The following CCR5AS variants were observed in gnomAD, a reference collection of about 807,000 sequenced individuals.
CCR5AS encodes CCR5 antisense RNA.
At chr3:46,383,412 C>G (rs1242249615) in intron 2 of CCR5AS, among the ~76,000 whole-genome samples, 1 of 152,162 alleles carries the variant, frequency 6.6e-6, no homozygotes, top group Non-Finnish European at 1.5e-5. Flanking sequence ...CAAGGAAGAG[C>G]AAGTAGGAAT....
At chr3:46,374,054 C>A in intron 2 of CCR5AS, 1 of 882,968 alleles carries the variant, frequency 1.1e-6, no homozygotes, top group South Asian at 2.0e-5. Flanking sequence ...TGGGAGAGGT[C>A]TTTTTTAAAA....
At chr3:46,395,134 G>T (rs1287906750) in intron 1 of CCR5AS, among the ~76,000 whole-genome samples, 2 of 152,162 alleles carry the variant, frequency 1.3e-5, no homozygotes, top group African/African-American at 2.4e-5. Context: ...GGAGGACTTG[G>T]ATTATCAGGA....
chr3:46,402,510 T>C (rs1033623205), intron 1 of CCR5AS, among the ~76,000 whole-genome samples: 1 of 152,364 alleles, frequency 6.6e-6, no homozygotes, highest in East Asian at 1.9e-4. Context: ...ATGGCTATTA[T>C]GTGAGATTAT....
chr3:46,391,856 C>T (rs978245638), intron 2 of CCR5AS, among the ~76,000 whole-genome samples: 1 of 151,756 alleles, frequency 6.6e-6, no homozygotes, highest in Non-Finnish European at 1.5e-5. Context: ...TCAGATGGGT[C>T]CGTAGAAAAG....
At chr3:46,374,018 A>T in intron 2 of CCR5AS, 1 of 1,327,938 alleles carries the variant, frequency 7.5e-7, no homozygotes, top group Non-Finnish European at 1.0e-6. Flanking sequence ...CTTAGTTTTC[A>T]TACACAGCCT....
At chr3:46,367,308 A>T (rs1559565531) in intron 3 of CCR5AS, among the ~76,000 whole-genome samples, 1 of 151,834 alleles carries the variant, frequency 6.6e-6, no homozygotes, top group Non-Finnish European at 1.5e-5. Flanking sequence ...ATAAAGAACT[A>T]CACTTATAAA....
intron 2 of CCR5AS, among the ~76,000 whole-genome samples, chr3:46,389,600 G>A (rs1701893148): frequency 6.6e-6 from 1 of 152,224 alleles, no homozygotes; most frequent in Admixed American, 6.5e-5. Context: ...TATTTCAGCT[G>A]TGTGTAAGGA....
At chr3:46,386,290 C>T (rs552563810) in intron 2 of CCR5AS, among the ~76,000 whole-genome samples, 162 of 152,314 alleles carry the variant, frequency 1.1e-3, no homozygotes, top group African/African-American at 3.8e-3. Flanking sequence ...CTGACTCGTC[C>T]TTGAATTCCT....
At chr3:46,389,321 TG>T in intron 2 of CCR5AS, among the ~76,000 whole-genome samples, 1 of 152,168 alleles carries the variant, frequency 6.6e-6, no homozygotes, top group South Asian at 2.1e-4. Context: ...GTGAATCCAA[TG>T]GGGAGGGTCG....
At chr3:46,397,326 C>T (rs1238340589) in intron 1 of CCR5AS, among the ~76,000 whole-genome samples, 2 of 152,264 alleles carry the variant, frequency 1.3e-5, no homozygotes, top group African/African-American at 4.8e-5. Flanking sequence ...TCACTATTTT[C>T]TCCCCAGGGT....
At chr3:46,389,718 T>G (rs1307075428) in intron 2 of CCR5AS, among the ~76,000 whole-genome samples, 2 of 152,154 alleles carry the variant, frequency 1.3e-5, no homozygotes, top group Non-Finnish European at 2.9e-5. Context: ...ATGGGATTAG[T>G]TAAATTACCC....
At chr3:46,394,789 T>A (rs145509426) in intron 1 of CCR5AS, among the ~76,000 whole-genome samples, 2 of 152,242 alleles carry the variant, frequency 1.3e-5, no homozygotes, top group Non-Finnish European at 2.9e-5. Context: ...AAATGGTAAG[T>A]GGCATCTTGA....
chr3:46,403,673 G>A (rs1160211755), intron 1 of CCR5AS, among the ~76,000 whole-genome samples: 2 of 152,220 alleles, frequency 1.3e-5, no homozygotes, highest in East Asian at 1.9e-4. Context: ...GCAGGTTGGG[G>A]CTGCTGAGCA....
chr3:46,370,835 T>C (rs1202307357), intron 3 of CCR5AS: 1 of 152,224 alleles, frequency 6.6e-6, no homozygotes, highest in Non-Finnish European at 1.5e-5. Flanking sequence ...TGTTCTCTGA[T>C]TCTTTTCGCC....
rs533695265 is a variant in CCR5AS at position 46,370,482 on chromosome 3, T to C, written n.565+762A>G. 7.2e-5 allele frequency among the ~76,000 whole-genome samples: 11 copies of C among 152,324 alleles called. No homozygotes were observed. In the South Asian group the frequency reaches 2.3e-3, roughly 32 times the overall value. ...GTGAAGTCCAGGATCCCCCTCTACATTTAAAGTTGGTTTAAGTTGGCTTTA... is the reference window on the plus strand; with the variant it reads ...GTGAAGTCCAGGATCCCCCTCTACACTTAAAGTTGGTTTAAGTTGGCTTTA... On this transcript the variant is annotated intron_variant and non_coding_transcript_variant, in intron 3 of 3. Transcript: ENST00000451485.
At position 46,373,448 on chromosome 3, in the gene CCR5AS, T is replaced by A. The variant is rs772530777; in HGVS notation, n.392-2031A>T. 4.0e-5 allele frequency: 63 copies of A among 1,578,414 alleles called. 1 individual carries two copies. Among genetic ancestry groups the A allele is most frequent in the Non-Finnish European group, 5.5e-5 (63 of 1,147,242 alleles). ...TTCATTACACCTGCAGCTCTCATTT[T>A]CCATACAGTCAGTATCAATTCTGGA... On this transcript the variant is annotated intron_variant and non_coding_transcript_variant, in intron 2 of 3. Transcript: ENST00000451485.
intron 2 of CCR5AS, among the ~76,000 whole-genome samples, chr3:46,381,741 A>C (rs1422888944): frequency 6.6e-6 from 1 of 152,162 alleles, no homozygotes; most frequent in African/African-American, 2.4e-5. Flanking sequence ...TCAAATAAGG[A>C]CTCTGTTGAT....
In CCR5AS at chr3:46,388,033, C is replaced by G. The variant is rs140532833; in HGVS notation, n.391+4792G>C. 2.5e-3 allele frequency among the ~76,000 whole-genome samples: 375 copies of G among 152,164 alleles called. 1 individual carries two copies. The highest frequency in any genetic ancestry group is 8.8e-3 in the African/African-American group (366 of 41,488). On this transcript the variant is annotated intron_variant and non_coding_transcript_variant, in intron 2 of 3. Coordinates refer to ENST00000451485, the Ensembl canonical transcript of CCR5AS. ...AGGCAGGAACTGGGTATTTTCACTT[C>G]TTTGTGGTTCTTCAGTTGCTTCAGG...
intron 2 of CCR5AS, among the ~76,000 whole-genome samples, chr3:46,389,186 G>A (rs1215017630): frequency 6.6e-6 from 1 of 152,174 alleles, no homozygotes; most frequent in Non-Finnish European, 1.5e-5. Context: ...GGCTCATAAG[G>A]GTTATTATTG....
Sources: gnomAD v4.1 joint callset for allele counts (sites outside exome capture counted in the v4.1 genomes callset) on GRCh38, gnomAD v4.1.1 for gene constraint, MANE v1.5 for transcripts, NCBI Gene and HGNC (gene_info 2026-07-23, HGNC 2026-07-21) for gene names.